CREB1: variants seen among roughly 807,000 people sequenced by gnomAD.
The protein encoded by CREB1 is cyclic AMP-responsive element-binding protein 1.
In CREB1, 2 loss-of-function variants were observed where a neutral mutation model predicts 42.0. That is an observed-to-expected ratio of 0.05 (90% CI 0.02 to 0.15). The LOEUF (loss-of-function observed/expected upper bound fraction) is 0.15, where lower values mean the gene tolerates loss of function less well. Ranked by LOEUF, CREB1 falls within the 10% of genes least tolerant of loss-of-function variation. The pLI, the probability that CREB1 is intolerant of heterozygous loss-of-function variation, is 1.00. For synonymous variants in CREB1, 123 were observed against 139.9 expected (o/e 0.88, Z 0.85); for missense variants, 199 against 388.9 (o/e 0.51, Z 4.11).
intron 5 of CREB1, 68 bp downstream of exon 5, chr2:207,570,389 C>G: frequency 7.0e-7 from 1 of 1,435,096 alleles, no homozygotes; most frequent in Non-Finnish European, 9.4e-7. Flanking sequence ...CTAATAGTTG[C>G]ATTCTCTTCA....
intron 4 of CREB1, 30 bp from the exon 5 acceptor site, chr2:207,570,149 T>G: frequency 1.9e-6 from 3 of 1,541,842 alleles, no homozygotes; most frequent in Non-Finnish European, 8.8e-7. Flanking sequence ...TACTTATATT[T>G]TTAATTATTC....
At chr2:207,537,962 G>T (rs2080942634) in intron 1 of CREB1, among the ~76,000 whole-genome samples, 1 of 152,106 alleles carries the variant, frequency 6.6e-6, no homozygotes. Flanking sequence ...TCTTGGGGAT[G>T]GGACCCAAGT....
At position 207,599,642 on chromosome 2, in the gene CREB1, A is replaced by G. The variant is rs923040219; in HGVS notation, c.*2584A>G. ...AAATCTGTCTTAGACCCTTGGTGAA[A>G]CTTGAAGATTTCAGTTTATAAAGAT... On this transcript the variant is annotated 3_prime_UTR_variant, in exon 8 of 8. Transcript: ENST00000353267. The G allele has an allele frequency of 6.0e-5, 12 of 200,358 alleles. No individual in the cohort carries two copies. Among genetic ancestry groups the G allele is most frequent in the Non-Finnish European group, 1.1e-4 (11 of 97,172 alleles). The allele number at this position is 200,358 out of a possible 1,614,324, so 12.4% of individuals were successfully genotyped here. A position where few individuals can be genotyped will look rare whatever the true frequency, so the allele number is the denominator to read the frequency against.
rs76511710 is a variant in CREB1, at chr2:207,598,936, A to G, written c.*1878A>G. On this transcript the variant is annotated 3_prime_UTR_variant, in exon 8 of 8. Coordinates refer to ENST00000353267, the MANE Select transcript of CREB1 (RefSeq NM_004379.5). Reference sequence around the variant, plus strand: ...AACTAATGTTTTATATTTAGTCAAGAGTTATTTAAGAAAGTCAAGCTTGTT... The same window carrying G: ...AACTAATGTTTTATATTTAGTCAAGGGTTATTTAAGAAAGTCAAGCTTGTT... 2,331 of 182,960 alleles carry G rather than the reference A, an allele frequency of 0.013. 34 individuals are homozygous for G. Among genetic ancestry groups the G allele is most frequent in the African/African-American group, 0.035 (1,492 of 42,644 alleles). The allele number at this position is 182,960 out of a possible 1,614,324, so 11.3% of individuals were successfully genotyped here.
intron 3 of CREB1, among the ~76,000 whole-genome samples, chr2:207,562,634 A>AT (rs1206985781): frequency 6.6e-6 from 1 of 152,076 alleles, no homozygotes; most frequent in Non-Finnish European, 1.5e-5. Flanking sequence ...CAAATATAAT[A>AT]TTTTTTTCTT....
At chr2:207,560,594 AAG>A (rs1403157328) in intron 3 of CREB1, among the ~76,000 whole-genome samples, 3 of 152,366 alleles carry the variant, frequency 2.0e-5, no homozygotes, top group African/African-American at 7.2e-5. Context: ...GCAGAGGAAA[AAG>A]AATTGATTGG....
At chr2:207,536,290 C>T (rs1434984083) in intron 1 of CREB1, among the ~76,000 whole-genome samples, 1 of 152,076 alleles carries the variant, frequency 6.6e-6, no homozygotes, top group Non-Finnish European at 1.5e-5. Context: ...CGGTGGCTGA[C>T]GCCTGTGTGA....
intron 3 of CREB1, among the ~76,000 whole-genome samples, chr2:207,563,904 G>A (rs546894152): frequency 6.6e-6 from 1 of 152,214 alleles, no homozygotes; most frequent in East Asian, 1.9e-4. Flanking sequence ...AAATCATGCT[G>A]CTGTACTCCA....
intron 6 of CREB1, among the ~76,000 whole-genome samples, chr2:207,575,786 A>G (rs1443357237): frequency 1.3e-5 from 2 of 152,134 alleles, no homozygotes; most frequent in African/African-American, 4.8e-5. Flanking sequence ...ATCTGCTATG[A>G]GGCCTTGAGT....
Position 207,560,239 on chromosome 2 carries a change from C to T in CREB1, c.128C>T (p.Ala43Val), listed in dbSNP as rs572124681. 3.1e-6 allele frequency: 5 copies of T among 1,608,606 alleles called. No individual in the cohort carries two copies. Among genetic ancestry groups the T allele is most frequent in the East Asian group, 2.2e-5 (1 of 44,730 alleles). Residue 43 changes from alanine (A) to valine (V), a missense_variant, in exon 3 of 8, where the codon GCA (alanine) becomes GTA (valine). Coordinates refer to ENST00000353267, the MANE Select transcript of CREB1 (RefSeq NM_004379.5). ...TCAACACCATAGGTATCTATGCCAGCAGCTCATGCAACATCATCTGCTCCC... is the reference window on the plus strand; with the variant it reads ...TCAACACCATAGGTATCTATGCCAGTAGCTCATGCAACATCATCTGCTCCC... ...IATLAQVSMP[A>V]AHATSSAPTV... is the part of the protein sequence containing the mutation.
intron 7 of CREB1, among the ~76,000 whole-genome samples, chr2:207,587,371 T>C (rs539119011): frequency 6.2e-5 from 9 of 145,368 alleles, no homozygotes; most frequent in South Asian, 2.2e-4. Flanking sequence ...ACAGCCTGGG[T>C]GACGGAACGA....
At position 207,602,592 on chromosome 2, in the gene CREB1, A is replaced by G. The variant is rs2087275099; in HGVS notation, c.*5534A>G. 1 of 211,660 alleles carries G rather than the reference A, an allele frequency of 4.7e-6. No individual in the cohort carries two copies. Among genetic ancestry groups the G allele is most frequent in the Non-Finnish European group, 9.6e-6 (1 of 104,512 alleles). 13.1% of individuals were successfully genotyped at this position (211,660 alleles called of 1,614,324 possible). ...TTAAAAATTGGTAGGGAGGAAGAAA[A>G]TCTCTGCAAATAATGATTTTATGTT... is the stretch of plus-strand genomic sequence containing the variant. On this transcript the variant is annotated 3_prime_UTR_variant, in exon 8 of 8. Transcript: ENST00000353267.
Position 207,567,466 on chromosome 2 carries a change from T to G in CREB1, c.265T>G (p.Ser89Ala). The change falls in exon 4 of 8, where the codon TCA becomes GCA. Residue 89 changes from serine to alanine, a missense_variant. By Grantham distance (99) the Ser-to-Ala change is moderately conservative (BLOSUM62 1). Transcript: ENST00000353267. ...QSPQVQTVQI[S>A]TIAESEDSQE... The stretch of plus-strand genomic sequence containing the variant: ...TGAAGTTTTTCTTTAATTTCAGATT[T>G]CAACTATTGCAGAAAGTGAAGATTC... 2.5e-6 allele frequency: 4 copies of G among 1,604,432 alleles called. No individual in the cohort carries two copies. Among genetic ancestry groups the G allele is most frequent in the Non-Finnish European group, 3.4e-6 (4 of 1,174,160 alleles).
chr2:207,549,492 A>C (rs1326453360), intron 1 of CREB1, among the ~76,000 whole-genome samples: 3 of 152,166 alleles, frequency 2.0e-5, no homozygotes, highest in African/African-American at 4.8e-5. Context: ...CTAGTTATTG[A>C]TTCTTGGAAA....
chr2:207,561,237 C>A, intron 3 of CREB1: 1 of 1,283,438 alleles, frequency 7.8e-7, no homozygotes, highest in Non-Finnish European at 1.1e-6. Context: ...TGTCTTTGTC[C>A]TTTTCCTCTA....
chr2:207,538,525 C>T (rs537468389), intron 1 of CREB1, among the ~76,000 whole-genome samples: 1 of 151,696 alleles, frequency 6.6e-6, no homozygotes, highest in Non-Finnish European at 1.5e-5. Flanking sequence ...TGAAAAACAC[C>T]CTTTCAGTTT....
At chr2:207,556,819 T>C (rs1397361345) in intron 2 of CREB1, among the ~76,000 whole-genome samples, 2 of 152,162 alleles carry the variant, frequency 1.3e-5, no homozygotes, top group Non-Finnish European at 2.9e-5. Flanking sequence ...CTCATCTGTA[T>C]ATTTTGCCCT....
intron 5 of CREB1, 69 bp downstream of exon 5, chr2:207,570,390 A>G: frequency 6.9e-7 from 1 of 1,439,704 alleles, no homozygotes; most frequent in Non-Finnish European, 9.4e-7. Context: ...TAATAGTTGC[A>G]TTCTCTTCAG....
chr2:207,536,170 T>G (rs1299443774), intron 1 of CREB1, among the ~76,000 whole-genome samples: 1 of 152,224 alleles, frequency 6.6e-6, no homozygotes, highest in African/African-American at 2.4e-5. Flanking sequence ...ATGTACACAC[T>G]ATGACTTTTT....
Sources: allele counts gnomAD v4.1 joint callset (sites outside exome capture counted in the v4.1 genomes callset), GRCh38; gene constraint gnomAD v4.1.1; transcripts MANE v1.5; gene names NCBI Gene and HGNC (gene_info 2026-07-23, HGNC 2026-07-21).